Variants in ST8SIA4 observed in about 807,000 individuals in gnomAD.
ST8SIA4 encodes CMP-N-acetylneuraminate-poly-alpha-2,8-sialyltransferase.
ST8SIA4 carries 15 observed loss-of-function variants against 33.9 expected under a neutral mutation model. The observed-to-expected ratio is 0.44, with a 90% CI of 0.30 to 0.68. The LOEUF (loss-of-function observed/expected upper bound fraction) is 0.68, where lower values mean the gene tolerates loss of function less well. Ranked by LOEUF, ST8SIA4 falls within the 30% of genes least tolerant of loss-of-function variation. The pLI is 0.10. For missense variants in ST8SIA4, 321 were observed against 428.0 expected (o/e 0.75, Z 2.21); for synonymous variants, 171 against 151.2 (o/e 1.13, Z -0.96).
chr5:100,846,397 GCTT>G (rs1751573461), intron 4 of ST8SIA4, among the ~76,000 whole-genome samples: 1 of 151,852 alleles, frequency 6.6e-6, no homozygotes, highest in African/African-American at 2.4e-5. Context: ...GGGAATTTAT[GCTT>G]CTTATTAGTT....
chr5:100,824,643 T>C (rs938149009), intron 4 of ST8SIA4, among the ~76,000 whole-genome samples: 1 of 152,004 alleles, frequency 6.6e-6, no homozygotes, highest in African/African-American at 2.4e-5. Flanking sequence ...GAATTTTAAA[T>C]TATAGCATCT....
intron 1 of ST8SIA4, 44 bp downstream of exon 1, chr5:100,902,799 G>A: frequency 6.7e-7 from 1 of 1,503,346 alleles, no homozygotes; most frequent in Non-Finnish European, 9.3e-7. Flanking sequence ...TTTCATTTAT[G>A]GCTTGACTTT....
Position 100,807,990 on chromosome 5 carries a change from T to C in ST8SIA4, c.*3857A>G, listed in dbSNP as rs922911940. ...TTTTAAAACATTGGTATATTGATAA[T>C]GTTTGATGGGAAAACTTTCAAACTT... On this transcript the variant is annotated 3_prime_UTR_variant, in exon 5 of 5. Coordinates refer to ENST00000231461, the MANE Select transcript of ST8SIA4 (RefSeq NM_005668.6). 1.3e-5 allele frequency: 2 copies of C among 152,544 alleles called. No individual in the cohort carries two copies. The highest frequency in any genetic ancestry group is 4.8e-5 in the African/African-American group (2 of 41,428). 9.4% of individuals were successfully genotyped at this position (152,544 alleles called of 1,614,324 possible).
At chr5:100,897,242 T>A (rs1167162885) in intron 1 of ST8SIA4, among the ~76,000 whole-genome samples, 5 of 152,096 alleles carry the variant, frequency 3.3e-5, no homozygotes, top group Non-Finnish European at 5.9e-5. Flanking sequence ...AGCTAGTATA[T>A]CATGTGGCAT....
At chr5:100,899,399 G>A (rs1164772703) in intron 1 of ST8SIA4, among the ~76,000 whole-genome samples, 1 of 152,200 alleles carries the variant, frequency 6.6e-6, no homozygotes, top group African/African-American at 2.4e-5. Context: ...CTGCACTCAC[G>A]AGGTTGTGTT....
chr5:100,857,362 G>A (rs1751839169), intron 3 of ST8SIA4, among the ~76,000 whole-genome samples: 1 of 151,214 alleles, frequency 6.6e-6, no homozygotes, highest in Admixed American at 6.6e-5. Flanking sequence ...TTTTATACCT[G>A]ATTTTAAAAA....
intron 3 of ST8SIA4, among the ~76,000 whole-genome samples, chr5:100,883,930 A>C (rs1470028507): frequency 6.6e-6 from 1 of 152,180 alleles, no homozygotes; most frequent in African/African-American, 2.4e-5. Context: ...TACACCACTT[A>C]AGGAAGTGCT....
chr5:100,851,087 G>A (rs1751688670), intron 4 of ST8SIA4, among the ~76,000 whole-genome samples: 1 of 149,324 alleles, frequency 6.7e-6, no homozygotes, highest in African/African-American at 2.5e-5. Flanking sequence ...AGCTTCCCTA[G>A]TAGCTGGGAT....
intron 2 of ST8SIA4, among the ~76,000 whole-genome samples, chr5:100,895,148 A>C (rs1459670685): frequency 6.6e-6 from 1 of 152,036 alleles, no homozygotes; most frequent in African/African-American, 2.4e-5. Flanking sequence ...GAAGTCAGTA[A>C]TCTAGAAAGC....
In ST8SIA4 at chr5:100,886,534, A is replaced by G; in HGVS notation, c.312T>C (p.Pro104=). Residue 104 remains proline, a synonymous_variant, in exon 3 of 5, where the codon CCT becomes CCC. Coordinates refer to ENST00000231461, the MANE Select transcript of ST8SIA4 (RefSeq NM_005668.6). ...DVSVVKSSFK[P]GDVIHYVLDR... is the part of the protein sequence containing the mutation. ...CAAGCACATAGTGTATGACATCACC[A>G]GGCTTAAAACTGCTCTTGACCACTG... is the stretch of plus-strand genomic sequence containing the variant. 1 of 1,613,932 alleles carries G rather than the reference A, an allele frequency of 6.2e-7. No homozygotes were observed. Among genetic ancestry groups the G allele is most frequent in the Non-Finnish European group, 8.5e-7 (1 of 1,179,816 alleles).
chr5:100,816,543 A>G (rs1220777129), intron 4 of ST8SIA4: 2 of 525,986 alleles, frequency 3.8e-6, no homozygotes, highest in East Asian at 5.5e-5. Context: ...CAAAAACTGC[A>G]ATTAATTTTA....
At chr5:100,868,817 A>G (rs1244187479) in intron 3 of ST8SIA4, among the ~76,000 whole-genome samples, 1 of 152,066 alleles carries the variant, frequency 6.6e-6, no homozygotes, top group Non-Finnish European at 1.5e-5. Context: ...ATCCATTTCA[A>G]TGCTTTACAT....
At chr5:100,890,086 A>T (rs1580485085) in intron 2 of ST8SIA4, among the ~76,000 whole-genome samples, 1 of 152,000 alleles carries the variant, frequency 6.6e-6, no homozygotes, top group East Asian at 1.9e-4. Flanking sequence ...ATGGAAAATT[A>T]TCTGAGTTAA....
intron 1 of ST8SIA4, chr5:100,900,269 A>G (rs1752873473): frequency 2.7e-6 from 1 of 364,726 alleles, no homozygotes; most frequent in African/African-American, 2.1e-5. Flanking sequence ...CTGCCAAGCC[A>G]CAAGGCTCGC....
rs535349184 is a variant in ST8SIA4 at position 100,831,167 on chromosome 5, T to C, written c.798-19038A>G. 5.3e-5 allele frequency among the ~76,000 whole-genome samples: 8 copies of C among 152,352 alleles called. No individual in the cohort carries two copies. The South Asian group carries it at 1.7e-3, about 32-fold the overall frequency. ...TTAACTTTTTGAATTATTTCTTTTC[T>C]CATTATTGCTTCTGTTCTCCATTGA... On this transcript the variant is annotated intron_variant, in intron 4 of 4. Transcript: ENST00000231461.
chr5:100,902,849 A>T lies in ST8SIA4; in HGVS notation c.107T>A (p.Leu36His). ...ARTEEHQETQ[L>H]IGDGELSLSR... ...AATGAAGCTTTGCATTTACCCGATG[A>T]GTTGCGTCTCCTGGTGCTCCTCAGT... Residue 36 changes from leucine to histidine, a missense_variant, in exon 1 of 5, where the codon CTC becomes CAC. By Grantham distance (99) the Leu-to-His change is moderately conservative. Coordinates refer to ENST00000231461, the MANE Select transcript of ST8SIA4 (RefSeq NM_005668.6). The T allele has an allele frequency of 6.2e-7, 1 of 1,612,834 alleles. No homozygotes were observed.
chr5:100,872,783 G>A (rs1350276498), intron 3 of ST8SIA4, among the ~76,000 whole-genome samples: 1 of 151,234 alleles, frequency 6.6e-6, no homozygotes, highest in Non-Finnish European at 1.5e-5. Context: ...TATTAGCAAT[G>A]TGAGAATTGA....
At chr5:100,899,120 C>T (rs565917250) in intron 1 of ST8SIA4, among the ~76,000 whole-genome samples, 1 of 152,244 alleles carries the variant, frequency 6.6e-6, no homozygotes, top group South Asian at 2.1e-4. Context: ...CTCAAAAGCC[C>T]CGTATTCCAC....
intron 4 of ST8SIA4, among the ~76,000 whole-genome samples, chr5:100,829,691 C>T (rs903475886): frequency 3.3e-5 from 5 of 152,052 alleles, no homozygotes; most frequent in African/African-American, 7.2e-5. Flanking sequence ...GGGTGGATCA[C>T]GAGGTCAGGA....
Sources: gnomAD v4.1 joint callset for allele counts (sites outside exome capture counted in the v4.1 genomes callset) on GRCh38, gnomAD v4.1.1 for gene constraint, MANE v1.5 for transcripts, NCBI Gene and HGNC (gene_info 2026-07-23, HGNC 2026-07-21) for gene names.